IGSF5: variants seen among roughly 807,000 people sequenced by gnomAD.
IGSF5 encodes immunoglobulin superfamily 5 like.
Under a neutral mutation model 39.4 loss-of-function variants are expected in IGSF5, and 41 were observed. That is an observed-to-expected ratio of 1.04 (90% CI 0.81 to 1.35). The LOEUF (loss-of-function observed/expected upper bound fraction) is 1.35, where lower values mean the gene tolerates loss of function less well. Ranked by LOEUF, IGSF5 falls within the 40% of genes most tolerant of loss-of-function variation. IGSF5 has a pLI of 0.00. For synonymous variants in IGSF5, 183 were observed against 175.3 expected (o/e 1.04, Z -0.34); for missense variants, 487 against 494.6 (o/e 0.98, Z 0.15).
chr21:39,769,730 G>A (rs760770650), intron 3 of IGSF5, among the ~76,000 whole-genome samples: 1 of 151,888 alleles, frequency 6.6e-6, no homozygotes, highest in African/African-American at 2.4e-5. Flanking sequence ...AATTTTTTTA[G>A]TTTAAAAATG....
Position 39,770,933 on chromosome 21 carries a change from A to T in IGSF5, c.436A>T (p.Ile146Phe). 1 of 1,570,542 alleles carries T rather than the reference A, an allele frequency of 6.4e-7. No homozygotes were observed. Among genetic ancestry groups the T allele is most frequent in the Non-Finnish European group, 8.7e-7 (1 of 1,155,636 alleles). Reference protein sequence around the residue: ...LTVQVMGELFIPSVNLVVAEN... With the variant: ...LTVQVMGELFFPSVNLVVAEN... ...TTCTTTAGTTATGGGAGAGCTGTTC[A>T]TTCCCAGTGTTAATCTTGTAGTCGC... The change falls in exon 4 of 9, where the codon ATT becomes TTT. Residue 146 changes from isoleucine (I) to phenylalanine (F), a missense_variant. Transcript: ENST00000380588.
rs769301833 is a variant in IGSF5, at chr21:39,792,086, A to G, written c.1035A>G (p.Glu345=). 4 of 1,607,750 alleles carry G rather than the reference A, an allele frequency of 2.5e-6. No homozygotes were observed. The highest frequency in any genetic ancestry group is 1.3e-5 in the African/African-American group (1 of 74,804). The change falls in exon 7 of 9, where the codon GAA becomes GAG. Residue 345 remains glutamate, a synonymous_variant. Transcript: ENST00000380588. ...GNENSGYNSD[E]QKTTDTASLP... is the part of the protein sequence containing the mutation. ...AAAACTCCGGCTACAATTCAGATGA[A>G]CAAAAGACCACAGGTGAGTAGACAA...
chr21:39,765,540 G>A lies in IGSF5; in HGVS notation c.106G>A (p.Gly36Arg), dbSNP rs1290157694. The change falls in exon 3 of 9, where the codon GGG (glycine) becomes AGG (arginine). Residue 36 changes from glycine to arginine, a missense_variant. Transcript: ENST00000380588. ...WWQTAVVDGS[G>R]SGNEVIEGPQ... is the part of the protein sequence containing the mutation. ...AAAAATTGGCTACCTTCCAGGTTCT[G>A]GGTCTGGTAATGAAGTCATAGAAGG... The A allele has an allele frequency of 6.2e-7, 1 of 1,610,244 alleles. No individual in the cohort carries two copies. The highest frequency in any genetic ancestry group is 1.3e-5 in the African/African-American group (1 of 74,940).
upstream of IGSF5, among the ~76,000 whole-genome samples, chr21:39,740,979 G>A (rs185072543): frequency 1.8e-4 from 27 of 152,262 alleles, 1 homozygote; most frequent in African/African-American, 5.5e-4. Flanking sequence ...ACCACTACCC[G>A]TAAACAATGA....
Position 39,794,928 on chromosome 21 carries a change from A to C in IGSF5, c.1128+1315A>C, listed in dbSNP as rs145342009. Among the ~76,000 whole-genome samples the C allele has an allele frequency of 1.4e-3, 212 of 152,264 alleles. 1 individual carries two copies. The highest frequency in any genetic ancestry group is 4.7e-3 in the African/African-American group (196 of 41,566). On this transcript the variant is annotated intron_variant, in intron 8 of 8. Coordinates refer to ENST00000380588, the MANE Select transcript of IGSF5 (RefSeq NM_001080444.2). Reference sequence around the variant, plus strand: ...TCAGCTCAGTAACCTACATCTTGCCAGTGATGTGTGTTTTTCAGGCCTGTA... The same window carrying C: ...TCAGCTCAGTAACCTACATCTTGCCCGTGATGTGTGTTTTTCAGGCCTGTA...
chr21:39,736,581 CA>C, the IGSF5 span, among the ~76,000 whole-genome samples: 1 of 152,138 alleles, frequency 6.6e-6, no homozygotes, highest in Non-Finnish European at 1.5e-5. Context: ...GCTGCATTTC[CA>C]AAGAGTGGTA....
At chr21:39,732,297 A>G in the IGSF5 span, among the ~76,000 whole-genome samples, 1 of 152,220 alleles carries the variant, frequency 6.6e-6, no homozygotes, top group African/African-American at 2.4e-5. Context: ...TCTGCTGCTC[A>G]TCCTCATACC....
At position 39,776,972 on chromosome 21, in the gene IGSF5, C is replaced by A. The variant is rs570573787; in HGVS notation, c.719-2118C>A. 9.8e-5 allele frequency among the ~76,000 whole-genome samples: 15 copies of A among 152,316 alleles called. No individual in the cohort carries two copies. The South Asian group carries it at 3.1e-3, about 32-fold the overall frequency. ...TGACCACTGCCATCTTGAGCCTGTG[C>A]ACTGTAGCTTACAGCATTCTCAGAA... On this transcript the variant is annotated intron_variant, in intron 4 of 8. Transcript: ENST00000380588.
intron 2 of IGSF5, among the ~76,000 whole-genome samples, chr21:39,762,546 C>G (rs1297119852): frequency 1.3e-5 from 2 of 152,068 alleles, no homozygotes; most frequent in Non-Finnish European, 2.9e-5. Context: ...GAGAATAGAT[C>G]ATAAATGTTC....
chr21:39,773,620 C>T (rs970573953), intron 4 of IGSF5, among the ~76,000 whole-genome samples: 9 of 152,206 alleles, frequency 5.9e-5, no homozygotes, highest in South Asian at 2.1e-4. Flanking sequence ...GGTGTCCTTC[C>T]GACATCCCCC....
the IGSF5 span, among the ~76,000 whole-genome samples, chr21:39,715,352 C>T: frequency 6.6e-6 from 1 of 152,104 alleles, no homozygotes; most frequent in African/African-American, 2.4e-5. Context: ...CTCCTGGGCT[C>T]AAGTAATCCT....
chr21:39,722,428 A>G, the IGSF5 span: 1 of 152,172 alleles, frequency 6.6e-6, no homozygotes, highest in Admixed American at 6.5e-5. Flanking sequence ...ATTATGGGGG[A>G]AACTTTAAGA....
the IGSF5 span, among the ~76,000 whole-genome samples, chr21:39,718,646 C>T: frequency 2.6e-5 from 4 of 152,110 alleles, no homozygotes; most frequent in Non-Finnish European, 4.4e-5. Context: ...TGTGATGAAT[C>T]ACATTTATTG....
intron 2 of IGSF5, among the ~76,000 whole-genome samples, chr21:39,763,104 G>T (rs2080069159): frequency 6.6e-6 from 1 of 152,146 alleles, no homozygotes; most frequent in Non-Finnish European, 1.5e-5. Flanking sequence ...AGCTGAGAGA[G>T]GGACGAGCTC....
intron 7 of IGSF5, 28 bp from the exon 8 acceptor site, chr21:39,793,506 T>G (rs2086977285): frequency 1.9e-6 from 3 of 1,589,664 alleles, no homozygotes; most frequent in Non-Finnish European, 2.6e-6. Context: ...TGCCACTTAA[T>G]GACTCTAAAA....
the IGSF5 span, among the ~76,000 whole-genome samples, chr21:39,719,668 G>A: frequency 6.6e-6 from 1 of 152,296 alleles, no homozygotes; most frequent in African/African-American, 2.4e-5. Context: ...ACACCAATAC[G>A]ACTTAACACT....
intron 2 of IGSF5, among the ~76,000 whole-genome samples, chr21:39,750,459 G>A (rs2079999316): frequency 6.9e-6 from 1 of 144,104 alleles, no homozygotes. Flanking sequence ...AGTGACCTAT[G>A]ATCGTGCCAC....
rs939795956 is a variant in IGSF5 at position 39,770,474 on chromosome 21, G to A, written c.419-442G>A. On this transcript the variant is annotated intron_variant, in intron 3 of 8. Transcript: ENST00000380588. ...GACCAAAACTCCAGGGGAGACTTGC[G>A]TCTGACCCTGGGCTGTGTCCTCGTC... Among the ~76,000 whole-genome samples the A allele has an allele frequency of 2.6e-4, 39 of 152,212 alleles. 1 individual carries two copies. Among genetic ancestry groups the A allele is most frequent in the Non-Finnish European group, 8.8e-5 (6 of 68,012 alleles).
chr21:39,770,876 TG>T, intron 3 of IGSF5, 39 bp from the exon 4 acceptor site: 1 of 1,301,678 alleles, frequency 7.7e-7, no homozygotes. Flanking sequence ...GCGAGAGGCA[TG>T]GTCATGTCTT....
Sources: allele counts gnomAD v4.1 joint callset (sites outside exome capture counted in the v4.1 genomes callset), GRCh38; gene constraint gnomAD v4.1.1; transcripts MANE v1.5; gene names NCBI Gene and HGNC (gene_info 2026-07-23, HGNC 2026-07-21).